TBX20: variants seen among roughly 807,000 people sequenced by gnomAD.
The protein encoded by TBX20 is T-box transcription factor 20, also known as T-box transcription factor TBX20.
TBX20 carries 8 observed loss-of-function variants against 42.9 expected under a neutral mutation model. That is an observed-to-expected ratio of 0.19 (90% confidence interval 0.11 to 0.34). The LOEUF (loss-of-function observed/expected upper bound fraction) is 0.34, where lower values mean the gene tolerates loss of function less well. Ranked by LOEUF, TBX20 falls within the 10% of genes least tolerant of loss-of-function variation. The probability of loss-of-function intolerance (pLI) is 1.00; values close to 1 mark genes in which losing one functional copy is unlikely to be tolerated. For synonymous variants in TBX20, 198 were observed against 222.8 expected (o/e 0.89, Z 0.99); for missense variants, 411 against 566.0 (o/e 0.73, Z 2.78).
At chr7:35,216,518 A>C (rs1428369834) in intron 6 of TBX20, among the ~76,000 whole-genome samples, 1 of 152,276 alleles carries the variant, frequency 6.6e-6, no homozygotes, top group Admixed American at 6.5e-5. Flanking sequence ...AGAGAGCTTA[A>C]TTGGTACCTG....
chr7:35,228,272 T>G (rs752629986), intron 6 of TBX20, among the ~76,000 whole-genome samples: 74 of 152,058 alleles, frequency 4.9e-4, no homozygotes, highest in Non-Finnish European at 5.0e-4. Context: ...CAGCACATAA[T>G]GGAAAATTAG....
chr7:35,233,346 T>C (rs1584351699), intron 5 of TBX20, among the ~76,000 whole-genome samples: 1 of 152,206 alleles, frequency 6.6e-6, no homozygotes, highest in African/African-American at 2.4e-5. Flanking sequence ...GCCTCAGAAA[T>C]GCTCATTTTT....
intron 6 of TBX20, among the ~76,000 whole-genome samples, chr7:35,213,652 T>C (rs1181781647): frequency 2.6e-5 from 4 of 152,066 alleles, no homozygotes; most frequent in Non-Finnish European, 4.4e-5. Flanking sequence ...TGGTAAGCAG[T>C]GCAATATATT....
At chr7:35,251,719 A>G (rs879827347) in intron 1 of TBX20, among the ~76,000 whole-genome samples, 1 of 152,198 alleles carries the variant, frequency 6.6e-6, no homozygotes, top group Non-Finnish European at 1.5e-5. Flanking sequence ...TAGACTTTGT[A>G]TGTTTAAAAG....
At chr7:35,223,576 G>T (rs1370269717) in intron 6 of TBX20, among the ~76,000 whole-genome samples, 3 of 152,194 alleles carry the variant, frequency 2.0e-5, no homozygotes, top group African/African-American at 7.2e-5. Flanking sequence ...AGACTGAGTG[G>T]TCTGGGAAGC....
chr7:35,235,720 G>C (rs929629398), intron 5 of TBX20, among the ~76,000 whole-genome samples: 2 of 152,056 alleles, frequency 1.3e-5, no homozygotes, highest in African/African-American at 4.8e-5. Flanking sequence ...TAACCAAAAT[G>C]TTCACTCTTT....
chr7:35,246,680 G>A lies in TBX20; in HGVS notation c.546-1623C>T, dbSNP rs184554222. On this transcript the variant is annotated intron_variant, in intron 3 of 7. Transcript: ENST00000408931. ...AGGAATGACTGACCAATGAACTTCAGCCTGAACTAAAATGCTTCAAAGTCC... is the reference window on the plus strand; with the variant it reads ...AGGAATGACTGACCAATGAACTTCAACCTGAACTAAAATGCTTCAAAGTCC... Among the ~76,000 whole-genome samples, 241 of 152,182 alleles carry A rather than the reference G, an allele frequency of 1.6e-3. 3 individuals carry two copies. Among genetic ancestry groups the A allele is most frequent in the Non-Finnish European group, 1.3e-3 (86 of 67,996 alleles).
chr7:35,245,722 C>T (rs1333268266), intron 3 of TBX20, among the ~76,000 whole-genome samples: 1 of 152,156 alleles, frequency 6.6e-6, no homozygotes, highest in African/African-American at 2.4e-5. Flanking sequence ...ACAAGCTAGA[C>T]ACACTTCACA....
intron 1 of TBX20, 132 bp from the exon 2 acceptor site, chr7:35,250,335 G>T: frequency 9.2e-7 from 1 of 1,090,610 alleles, no homozygotes; most frequent in Non-Finnish European, 1.4e-6. Context: ...CAGGCAGGCT[G>T]TAGGGATGAC....
intron 6 of TBX20, among the ~76,000 whole-genome samples, chr7:35,217,195 T>C (rs931390209): frequency 1.3e-5 from 2 of 152,228 alleles, no homozygotes; most frequent in Non-Finnish European, 2.9e-5. Flanking sequence ...GATTTTTCTT[T>C]TCAGTAATAT....
At position 35,204,541 on chromosome 7, in the gene TBX20, C is replaced by T. The variant is rs113201899; in HGVS notation, c.932G>A (p.Arg311His). 2 of 1,614,062 alleles carry T rather than the reference C, an allele frequency of 1.2e-6. No individual in the cohort carries two copies. The highest frequency in any genetic ancestry group is 8.5e-7 in the Non-Finnish European group (1 of 1,179,964). The change falls in exon 7 of 8, where the codon CGC becomes CAC. Residue 311 changes from arginine to histidine, a missense_variant. Coordinates refer to ENST00000408931, the MANE Select transcript of TBX20 (RefSeq NM_001077653.2). Reference protein sequence around the residue: ...ESLIQKHSYARSPIRTYGGEE... With the variant: ...ESLIQKHSYAHSPIRTYGGEE... ...TCCTCCGTAGGTACGGATGGGTGAG[C>T]GTGCATAGGAATGCTTTTGAATCAG...
chr7:35,245,085 G>A, intron 3 of TBX20, 28 bp from the exon 4 acceptor site: 5 of 1,490,784 alleles, frequency 3.4e-6, no homozygotes, highest in Non-Finnish European at 4.7e-6. Context: ...AAACTTTATT[G>A]AGACTTCTTT....
chr7:35,243,705 AC>A lies in TBX20; in HGVS notation c.654+1243del, dbSNP rs891627958. Among the ~76,000 whole-genome samples, 6 of 152,080 alleles carry A rather than the reference AC, an allele frequency of 3.9e-5. No individual in the cohort carries two copies. In the East Asian group the frequency reaches 5.8e-4, roughly 15 times the overall value. On this transcript the variant is annotated intron_variant, in intron 4 of 7. Coordinates refer to ENST00000408931, the MANE Select transcript of TBX20 (RefSeq NM_001077653.2). ...TATCAGTGGAAGCATGTTAAAAAAA[AC>A]AAAAGAAAATTATGCCAATAACCTT... is the stretch of plus-strand genomic sequence containing the variant.
chr7:35,242,642 C>G (rs1026618451), intron 4 of TBX20, among the ~76,000 whole-genome samples: 1 of 152,166 alleles, frequency 6.6e-6, no homozygotes, highest in African/African-American at 2.4e-5. Flanking sequence ...TTCCCCACTT[C>G]TACCACCTGA....
At chr7:35,220,881 T>C (rs1433303400) in intron 6 of TBX20, among the ~76,000 whole-genome samples, 1 of 152,188 alleles carries the variant, frequency 6.6e-6, no homozygotes, top group Non-Finnish European at 1.5e-5. Context: ...CCTGTATTAA[T>C]AAAATAGGGA....
intron 1 of TBX20, among the ~76,000 whole-genome samples, chr7:35,252,329 G>A (rs1790320130): frequency 1.3e-5 from 2 of 151,862 alleles, no homozygotes; most frequent in Non-Finnish European, 2.9e-5. Flanking sequence ...AGATTTAGAT[G>A]GGAGGTGGGT....
In TBX20 at chr7:35,231,619, G is replaced by T. The variant is rs752337646; in HGVS notation, c.814-39C>A. ...GGGTACAAAACAGTATCATTTATGA[G>T]GTCAAGGAAGTAAAATCAGAAATAG... On this transcript the variant is annotated intron_variant, in intron 5 of 7. Transcript: ENST00000408931. 5.3e-6 allele frequency: 7 copies of T among 1,319,914 alleles called. No homozygotes were observed. The Admixed American group carries it at 1.2e-4, about 22-fold the overall frequency. 81.8% of individuals were successfully genotyped at this position (1,319,914 alleles called of 1,614,324 possible). A position where few individuals can be genotyped will look rare whatever the true frequency, so the allele number is the denominator to read the frequency against.
chr7:35,240,389 T>C (rs568522306), intron 5 of TBX20, among the ~76,000 whole-genome samples: 20 of 152,324 alleles, frequency 1.3e-4, no homozygotes, highest in Middle Eastern at 6.8e-3. Flanking sequence ...TGGTTTACTA[T>C]CTAAAAAGAC....
intron 4 of TBX20, 42 bp from the exon 5 acceptor site, chr7:35,241,079 T>C (rs1584355370): frequency 5.0e-6 from 8 of 1,596,524 alleles, no homozygotes; most frequent in Non-Finnish European, 6.9e-6. Context: ...TACATACTTA[T>C]ACTGCTAAAC....
Sources: gnomAD v4.1 joint callset for allele counts (sites outside exome capture counted in the v4.1 genomes callset) on GRCh38, gnomAD v4.1.1 for gene constraint, MANE v1.5 for transcripts, NCBI Gene and HGNC (gene_info 2026-07-23, HGNC 2026-07-21) for gene names.